Variants in ZC3H12C observed in about 807,000 individuals in gnomAD.
ZC3H12C encodes the protein zinc finger CCCH-type containing 12C.
Under a neutral mutation model 76.3 loss-of-function variants are expected in ZC3H12C, and 20 were observed. The observed-to-expected ratio is 0.26, with a 90% CI of 0.18 to 0.38. The LOEUF is 0.38. ZC3H12C is among the 10% of genes least tolerant of loss of function. The probability of loss-of-function intolerance (pLI) is 1.00; values close to 1 mark genes in which losing one functional copy is unlikely to be tolerated. For synonymous variants in ZC3H12C, 352 were observed against 399.6 expected (o/e 0.88, Z 1.42); for missense variants, 874 against 1,086.5 (o/e 0.80, Z 2.75).
intron 4 of ZC3H12C, among the ~76,000 whole-genome samples, chr11:110,160,988 C>T (rs1294129019): frequency 1.3e-5 from 2 of 150,050 alleles, no homozygotes; most frequent in Non-Finnish European, 3.0e-5. Flanking sequence ...AGGCACGCCC[C>T]ATCACACCTG....
rs890046272 is a variant in ZC3H12C at position 110,137,406 on chromosome 11, G to A, written c.765G>A (p.Val255=). ...CAATAGTTATTGATGGCAGCAATGT[G>A]GCAATGAGGTAAGTGGAAAAATCGT... ...LRPIVIDGSN[V]AMSHGNKEVF... The change falls in exon 2 of 6, where the codon GTG becomes GTA. Residue 255 remains valine (V), a synonymous_variant. Coordinates refer to ENST00000278590, the MANE Select transcript of ZC3H12C (RefSeq NM_033390.2). 1.3e-6 allele frequency: 2 copies of A among 1,597,520 alleles called. No individual in the cohort carries two copies. Among genetic ancestry groups the A allele is most frequent in the Admixed American group, 3.5e-5 (2 of 56,890 alleles).
intron 1 of ZC3H12C, among the ~76,000 whole-genome samples, chr11:110,100,650 T>C (rs1216679727): frequency 1.3e-5 from 2 of 152,192 alleles, no homozygotes; most frequent in Admixed American, 1.3e-4. Flanking sequence ...TAATCTGTGA[T>C]GTCACTACTG....
rs184618508 is a variant in ZC3H12C, at chr11:110,151,672, A to G, written c.774-1247A>G. On this transcript the variant is annotated intron_variant, in intron 2 of 5. Transcript: ENST00000278590. ...CTTTTGATGGTGCATTCACCAGGCT[A>G]TCGGGTCACCCTTCTTACCTAGAAA... 5.8e-4 allele frequency among the ~76,000 whole-genome samples: 88 copies of G among 152,258 alleles called. 1 individual carries two copies. Among genetic ancestry groups the G allele is most frequent in the African/African-American group, 1.9e-3 (77 of 41,560 alleles).
intron 1 of ZC3H12C, among the ~76,000 whole-genome samples, chr11:110,128,119 A>G (rs1278432462): frequency 7.6e-6 from 1 of 132,442 alleles, no homozygotes; most frequent in Non-Finnish European, 1.6e-5. Flanking sequence ...CTAAAACTAC[A>G]CTGTCTTTTT....
chr11:110,139,596 T>C (rs1340627824), intron 2 of ZC3H12C, among the ~76,000 whole-genome samples: 2 of 152,122 alleles, frequency 1.3e-5, no homozygotes. Context: ...GTTTGATCTT[T>C]CCCAAACTTG....
chr11:110,164,916 T>C lies in ZC3H12C; in HGVS notation c.1831T>C (p.Phe611Leu). The change falls in exon 6 of 6, where the codon TTC becomes CTC. Residue 611 changes from phenylalanine to leucine, a missense_variant. Coordinates refer to ENST00000278590, the MANE Select transcript of ZC3H12C (RefSeq NM_033390.2). This position sits in a 1 kb window ranked among gnomAD's most constrained non-coding sequence, Gnocchi z 5.7. ...AGGCCCACGAAGCCCTGAAAGGCGT[T>C]TCTCCTTAGACACAGATTATAGAAT... ...LSGPRSPERR[F>L]SLDTDYRISS... 2 of 1,614,032 alleles carry C rather than the reference T, an allele frequency of 1.2e-6. No individual in the cohort carries two copies. The highest frequency in any genetic ancestry group is 1.7e-5 in the Admixed American group (1 of 60,030).
intron 1 of ZC3H12C, among the ~76,000 whole-genome samples, chr11:110,105,135 T>C (rs1861299115): frequency 6.6e-6 from 1 of 152,222 alleles, no homozygotes; most frequent in African/African-American, 2.4e-5. Context: ...ATCTTGGCTT[T>C]TATTTTATAA....
chr11:110,103,192 C>CCTGGAA (rs768123368), intron 1 of ZC3H12C, among the ~76,000 whole-genome samples: 1 of 152,116 alleles, frequency 6.6e-6, no homozygotes, highest in Non-Finnish European at 1.5e-5. Context: ...TAAAATTTAA[C>CCTGGAA]TTGGAATGCG....
At chr11:110,117,435 G>C (rs928443851) in intron 1 of ZC3H12C, among the ~76,000 whole-genome samples, 3 of 151,832 alleles carry the variant, frequency 2.0e-5, no homozygotes, top group Admixed American at 2.0e-4. Flanking sequence ...TTCAAAGGCT[G>C]TATGTAGTGT....
chr11:110,135,451 C>T (rs1446430140), intron 1 of ZC3H12C, among the ~76,000 whole-genome samples: 1 of 135,158 alleles, frequency 7.4e-6, no homozygotes, highest in Non-Finnish European at 1.5e-5. Context: ...GATTACACCG[C>T]TGCACTCCAG....
chr11:110,149,641 T>G (rs1216765972), intron 2 of ZC3H12C, among the ~76,000 whole-genome samples: 1 of 152,238 alleles, frequency 6.6e-6, no homozygotes, highest in Non-Finnish European at 1.5e-5. Context: ...TGCATTTCTT[T>G]ACTATTGAAC....
At chr11:110,100,670 G>A (rs1301508396) in intron 1 of ZC3H12C, among the ~76,000 whole-genome samples, 1 of 152,054 alleles carries the variant, frequency 6.6e-6, no homozygotes, top group African/African-American at 2.4e-5. Flanking sequence ...GTAATTTTGG[G>A]GGGGTGCCAA....
In ZC3H12C at chr11:110,116,164, C is replaced by G. The variant is rs1591463836; in HGVS notation, c.22-20499C>G. ...TCTCCCTCTTGCCTTCACTCCTGCC[C>G]ACCATTAAATCAATGTATTTCTTCT... is the stretch of plus-strand genomic sequence containing the variant. On this transcript the variant is annotated intron_variant, in intron 1 of 5. Transcript: ENST00000278590. Among the ~76,000 whole-genome samples, 8 of 152,274 alleles carry G rather than the reference C, an allele frequency of 5.3e-5. No individual in the cohort carries two copies. The South Asian group carries it at 1.7e-3, about 32-fold the overall frequency.
intron 1 of ZC3H12C, among the ~76,000 whole-genome samples, chr11:110,114,317 GT>G (rs1565250701): frequency 2.0e-5 from 3 of 152,078 alleles, no homozygotes; most frequent in Non-Finnish European, 4.4e-5. Flanking sequence ...CAGTTTATAT[GT>G]CACCTCTCAG....
chr11:110,135,924 AAG>A (rs1861950835), intron 1 of ZC3H12C: 1 of 152,224 alleles, frequency 6.6e-6, no homozygotes, highest in Admixed American at 6.5e-5. Context: ...GGCACTTAAT[AAG>A]GATAGCATAA....
intron 1 of ZC3H12C, among the ~76,000 whole-genome samples, chr11:110,104,784 T>C (rs1033704790): frequency 2.6e-5 from 4 of 152,232 alleles, no homozygotes; most frequent in African/African-American, 9.6e-5. Context: ...ATAAAAGTGC[T>C]TGACACATAG....
At chr11:110,159,195 G>A (rs1862433730) in intron 3 of ZC3H12C, 61 bp from the exon 4 acceptor site, 1 of 1,284,796 alleles carries the variant, frequency 7.8e-7, no homozygotes, top group Non-Finnish European at 1.1e-6. Context: ...TTGTATGAAA[G>A]TTGCCATGTG....
chr11:110,131,118 T>A (rs1311681158), intron 1 of ZC3H12C: 1 of 1,528,828 alleles, frequency 6.5e-7, no homozygotes, highest in Non-Finnish European at 8.8e-7. Context: ...TGAGTATTTG[T>A]GCTACTTTAA....
intron 1 of ZC3H12C, among the ~76,000 whole-genome samples, chr11:110,118,259 A>G (rs1049446255): frequency 2.0e-5 from 3 of 151,584 alleles, no homozygotes; most frequent in Non-Finnish European, 2.9e-5. Context: ...ATAAAAATTG[A>G]TAAGGACGAG....
Sources: gnomAD v4.1 joint callset for allele counts (sites outside exome capture counted in the v4.1 genomes callset) on GRCh38, gnomAD v4.1.1 for gene constraint, Gnocchi (gnomAD v3.1) non-coding constraint, MANE v1.5 for transcripts, NCBI Gene and HGNC (gene_info 2026-07-23, HGNC 2026-07-21) for gene names.